ACOT11: variants seen among roughly 807,000 people sequenced by gnomAD.
ACOT11 encodes the protein acyl-CoA thioesterase 11.
ACOT11 carries 69 observed loss-of-function variants against 77.5 expected under a neutral mutation model. That is an observed-to-expected ratio of 0.89 (90% CI 0.73 to 1.09). The LOEUF (loss-of-function observed/expected upper bound fraction) is 1.09. Ranked by LOEUF, ACOT11 falls within the 50% of genes least tolerant of loss-of-function variation. The pLI is 0.00. For missense variants in ACOT11, 766 were observed against 813.7 expected (o/e 0.94, Z 0.71); for synonymous variants, 279 against 313.0 (o/e 0.89, Z 1.15).
In ACOT11 at chr1:54,604,406, G is replaced by C. The variant is rs982986805; in HGVS notation, c.1213G>C (p.Val405Leu). 6.2e-7 allele frequency: 1 copy of C among 1,614,018 alleles called. No individual in the cohort carries two copies. Among genetic ancestry groups the C allele is most frequent in the African/African-American group, 1.3e-5 (1 of 74,980 alleles). Residue 405 changes from valine (V) to leucine (L), a missense_variant, in exon 12 of 16, where the codon GTG becomes CTG. Val to Leu is a conservative substitution (Grantham distance 32). Transcript: ENST00000343744. The stretch of plus-strand genomic sequence containing the variant: ...GATGCTTGTGGCCAAGGACAACTGG[G>C]TGCTGTCCTCGGAGATCAGTCAGGT... ...LKMLVAKDNW[V>L]LSSEISQVRL...
chr1:54,620,845 CAAAAAAAAAAAAAA>C (rs767625864), intron 15 of ACOT11, among the ~76,000 whole-genome samples: 16 of 12,132 alleles, frequency 1.3e-3, no homozygotes, highest in Admixed American at 4.4e-3. Context: ...GAGACTCTGT[CAAAAAAAAAAAAAA>C]AAAAAAAAAA....
chr1:54,621,205 C>T (rs1644227299), intron 15 of ACOT11, among the ~76,000 whole-genome samples: 1 of 151,600 alleles, frequency 6.6e-6, no homozygotes, highest in African/African-American at 2.4e-5. Context: ...GCCTGTAATC[C>T]CAGCACTTTG....
exon 17 of ACOT11, chr1:54,636,633 CTT>C (rs1644332027): frequency 6.6e-6 from 1 of 150,508 alleles, no homozygotes; most frequent in Non-Finnish European, 1.5e-5. Context: ...GTTCCTTCCT[CTT>C]TTACTAATCC....
At chr1:54,559,361 C>T (rs1557645808) in intron 1 of ACOT11, among the ~76,000 whole-genome samples, 1 of 152,166 alleles carries the variant, frequency 6.6e-6, no homozygotes, top group Non-Finnish European at 1.5e-5. Flanking sequence ...TGTGCCTGGG[C>T]TGGAGCAGGG....
chr1:54,625,726 T>C (rs1644267677), intron 15 of ACOT11, among the ~76,000 whole-genome samples: 1 of 150,678 alleles, frequency 6.6e-6, no homozygotes, highest in Non-Finnish European at 1.5e-5. Flanking sequence ...TCACCTGAGG[T>C]TGGGAGTTCG....
intron 1 of ACOT11, among the ~76,000 whole-genome samples, chr1:54,566,118 C>T (rs1289303984): frequency 6.6e-6 from 1 of 152,250 alleles, no homozygotes; most frequent in East Asian, 1.9e-4. Flanking sequence ...ACTGCTTGCT[C>T]GCAGACTCCT....
At chr1:54,582,494 A>G (rs12569063) in intron 1 of ACOT11, 28,682 of 985,366 alleles carry the variant, frequency 0.029, 657 homozygotes, top group East Asian at 0.18. Context: ...CCAGTGAGCA[A>G]GGCACAGGTC....
chr1:54,576,665 C>A (rs771975910), intron 1 of ACOT11, among the ~76,000 whole-genome samples: 14 of 151,922 alleles, frequency 9.2e-5, no homozygotes. Context: ...TAGGGCAAGC[C>A]GGTTAATGCT....
intron 15 of ACOT11, chr1:54,615,934 C>T: frequency 7.0e-7 from 1 of 1,424,816 alleles, no homozygotes; most frequent in Non-Finnish European, 9.7e-7. Flanking sequence ...CAGGGCTGGA[C>T]TTGCTTCCCA....
At chr1:54,592,490 C>A in intron 3 of ACOT11, 56 bp from the exon 4 acceptor site, 1 of 1,541,398 alleles carries the variant, frequency 6.5e-7, no homozygotes, top group Non-Finnish European at 8.9e-7. Context: ...ATCTGAGGCC[C>A]CTGTTCCTCC....
At chr1:54,561,833 C>A (rs1201366055) in intron 1 of ACOT11, among the ~76,000 whole-genome samples, 1 of 111,950 alleles carries the variant, frequency 8.9e-6, no homozygotes, top group Non-Finnish European at 1.9e-5. Flanking sequence ...GGCAGAGGGG[C>A]TCCTCACTTC....
intron 1 of ACOT11, among the ~76,000 whole-genome samples, chr1:54,557,405 AAAAAG>A (rs904717497): frequency 6.6e-6 from 1 of 151,580 alleles, no homozygotes; most frequent in African/African-American, 2.4e-5. Context: ...AAAAAAAAAA[AAAAAG>A]AAAAAAATTA....
chr1:54,596,485 G>A (rs74870533), intron 6 of ACOT11, among the ~76,000 whole-genome samples: 6,459 of 152,282 alleles, frequency 0.042, 462 homozygotes, highest in African/African-American at 0.15. Flanking sequence ...TTCTAACACT[G>A]TTGCTGCCAA....
At chr1:54,549,456 T>C (rs1255116857) in intron 1 of ACOT11, among the ~76,000 whole-genome samples, 2 of 152,202 alleles carry the variant, frequency 1.3e-5, no homozygotes, top group Non-Finnish European at 2.9e-5. Context: ...GTACTTGCTA[T>C]GTCTTCTGCC....
At chr1:54,585,305 C>A (rs1654458649) in intron 2 of ACOT11, among the ~76,000 whole-genome samples, 1 of 152,190 alleles carries the variant, frequency 6.6e-6, no homozygotes, top group Admixed American at 6.5e-5. Flanking sequence ...GGGGGATAGA[C>A]AGGTGACCCG....
intron 15 of ACOT11, among the ~76,000 whole-genome samples, chr1:54,630,413 C>T (rs1053655876): frequency 6.6e-5 from 10 of 152,168 alleles, no homozygotes; most frequent in Non-Finnish European, 1.3e-4. Flanking sequence ...TGTGGGTTTA[C>T]GGGAATGACG....
chr1:54,612,010 T>A (rs760231239), downstream of ACOT11, among the ~76,000 whole-genome samples: 4 of 149,786 alleles, frequency 2.7e-5, no homozygotes, highest in Non-Finnish European at 5.9e-5. Context: ...CTGAGTCCTG[T>A]CTTAGGAAAG....
intron 9 of ACOT11, among the ~76,000 whole-genome samples, chr1:54,601,765 G>A (rs573039017): frequency 6.6e-5 from 10 of 152,342 alleles, no homozygotes; most frequent in African/African-American, 1.4e-4. Flanking sequence ...CGAGCTTTCA[G>A]TCTCCATTTG....
downstream of ACOT11, among the ~76,000 whole-genome samples, chr1:54,614,002 A>G (rs1022754981): frequency 2.0e-5 from 3 of 152,226 alleles, no homozygotes; most frequent in Non-Finnish European, 4.4e-5. Context: ...CCTCATTCTC[A>G]TAAGAGTTAA....
Sources: allele counts gnomAD v4.1 joint callset (sites outside exome capture counted in the v4.1 genomes callset), GRCh38; gene constraint gnomAD v4.1.1; transcripts MANE v1.5; gene names NCBI Gene and HGNC (gene_info 2026-07-23, HGNC 2026-07-21).